The following DNAI4 variants were observed in gnomAD, a reference collection of about 807,000 sequenced individuals.
DNAI4 encodes the protein WD repeat domain 78.
A neutral mutation model predicts 105.8 loss-of-function variants in DNAI4; 85 were observed. That is an observed-to-expected ratio of 0.80 (90% CI 0.67 to 0.96). The LOEUF (loss-of-function observed/expected upper bound fraction) is 0.96, where lower values mean the gene tolerates loss of function less well. Among genes scored for constraint, DNAI4 ranks in the 40% least tolerant of loss-of-function variants. The pLI, the probability that DNAI4 is intolerant of heterozygous loss-of-function variation, is 0.00. For missense variants in DNAI4, 1,014 were observed against 1,005.6 expected, an observed-to-expected ratio of 1.01 and a Z score of -0.11; for synonymous variants, 352 against 331.5, an observed-to-expected ratio of 1.06 and a Z score of -0.67.
intron 4 of DNAI4, among the ~76,000 whole-genome samples, chr1:66,884,213 T>G (rs996086810): frequency 6.6e-6 from 1 of 152,262 alleles, no homozygotes; most frequent in Admixed American, 6.5e-5. Context: ...TACCACATTT[T>G]CTTTATCCAT....
intron 6 of DNAI4, among the ~76,000 whole-genome samples, chr1:66,870,652 A>AG (rs1646824150): frequency 8.1e-6 from 1 of 122,926 alleles, no homozygotes; most frequent in Non-Finnish European, 1.6e-5. Flanking sequence ...TGGGAGGCTG[A>AG]GGGGGAGAAT....
At chr1:66,886,494 T>C (rs1647204444) in intron 4 of DNAI4, among the ~76,000 whole-genome samples, 1 of 152,186 alleles carries the variant, frequency 6.6e-6, no homozygotes, top group Non-Finnish European at 1.5e-5. Flanking sequence ...GCAGTTTGGT[T>C]GTGTTTAATG....
At chr1:66,888,442 C>A (rs925230231) in intron 4 of DNAI4, among the ~76,000 whole-genome samples, 14 of 152,158 alleles carry the variant, frequency 9.2e-5, no homozygotes, top group African/African-American at 3.4e-4. Flanking sequence ...CGCCTGTAAT[C>A]CCAGCACTTT....
intron 4 of DNAI4, among the ~76,000 whole-genome samples, chr1:66,880,602 G>C (rs1647049355): frequency 6.6e-6 from 1 of 152,156 alleles, no homozygotes. Context: ...AAATTTCTAA[G>C]CAACGAAGCA....
Position 66,890,866 on chromosome 1 carries a change from G to GGAAGAAGAA in DNAI4, c.643+279_643+287dup, listed in dbSNP as rs56842115. 2.9e-3 allele frequency: 1,220 copies of GGAAGAAGAA among 420,098 alleles called. 9 individuals carry two copies. Among genetic ancestry groups the GGAAGAAGAA allele is most frequent in the African/African-American group, 0.021 (993 of 46,904 alleles). 26.0% of individuals were successfully genotyped at this position (420,098 alleles called of 1,614,324 possible). ...AGGAAGAGGAAGAAGAAGAGGAAGA[G>GGAAGAAGAA]GAAGAAGAAGAAGAAGAAGCAGAAG... On this transcript the variant is annotated intron_variant, in intron 4 of 16. Coordinates refer to ENST00000371026, the MANE Select transcript of DNAI4 (RefSeq NM_024763.5). The surrounding 1 kb of genome is among the most constrained non-coding windows in gnomAD (Gnocchi z 4.1).
intron 7 of DNAI4, among the ~76,000 whole-genome samples, chr1:66,850,296 T>C (rs1484096408): frequency 1.3e-5 from 2 of 152,004 alleles, no homozygotes; most frequent in Non-Finnish European, 2.9e-5. Flanking sequence ...GTGGAAAGAA[T>C]GGTCAATGCA....
chr1:66,852,101 A>T (rs1352912333), intron 7 of DNAI4, among the ~76,000 whole-genome samples: 1 of 152,038 alleles, frequency 6.6e-6, no homozygotes, highest in Non-Finnish European at 1.5e-5. Flanking sequence ...CGTCAAAGTG[A>T]TAATAACAAA....
At position 66,835,646 on chromosome 1, in the gene DNAI4, A is replaced by G. The variant is rs1238251272; in HGVS notation, c.1713T>C (p.Asn571=). ...IAIYNVRSNS[N]VPVLDSSESP... The stretch of plus-strand genomic sequence containing the variant: ...CTTACCTACTATCCAGAACTGGAAC[A>G]TTACTGTTGCTCCGTACATTGTAAA... Residue 571 remains asparagine (N), a synonymous_variant, in exon 11 of 17, where the codon AAT becomes AAC. Transcript: ENST00000371026. The G allele has an allele frequency of 6.2e-7, 1 of 1,614,128 alleles. No homozygotes were observed. Among genetic ancestry groups the G allele is most frequent in the East Asian group, 2.2e-5 (1 of 44,866 alleles).
At chr1:66,874,215 T>C (rs1470768350) in intron 5 of DNAI4, among the ~76,000 whole-genome samples, 1 of 152,008 alleles carries the variant, frequency 6.6e-6, no homozygotes, top group East Asian at 1.9e-4. Context: ...TAACAATCCT[T>C]AAATGTGTAT....
chr1:66,905,375 C>T lies in DNAI4; in HGVS notation c.171G>A (p.Leu57=), dbSNP rs774238697. ...AGSHKQQNFG[L]NNATQPKKSI... is the part of the protein sequence containing the mutation. ...ACTTCTTTGGTTGTGTGGCATTGTT[C>T]CTATATAAGAAAAATAAAATATAAT... Residue 57 remains leucine, a splice_region_variant and synonymous_variant, in exon 2 of 17, where the codon TTG becomes TTA. Coordinates refer to ENST00000371026, the MANE Select transcript of DNAI4 (RefSeq NM_024763.5). 4 of 1,423,348 alleles carry T rather than the reference C, an allele frequency of 2.8e-6. No individual in the cohort carries two copies. The South Asian group carries it at 5.2e-5, about 19-fold the overall frequency. The allele number at this position is 1,423,348 out of a possible 1,614,324, so 88.2% of individuals were successfully genotyped here. A position where few individuals can be genotyped will look rare whatever the true frequency, so the allele number is the denominator to read the frequency against.
intron 6 of DNAI4, among the ~76,000 whole-genome samples, chr1:66,866,172 C>T (rs903198057): frequency 4.6e-5 from 7 of 151,706 alleles, no homozygotes; most frequent in East Asian, 1.9e-4. Flanking sequence ...CCAGGTGTGA[C>T]GGCAGGCACT....
Position 66,826,875 on chromosome 1 carries a change from T to C in DNAI4, c.2284A>G (p.Ile762Val), listed in dbSNP as rs927080265. 2.5e-6 allele frequency: 4 copies of C among 1,613,994 alleles called. No individual in the cohort carries two copies. In the African/African-American group the frequency reaches 5.3e-5, roughly 22 times the overall value. ...DVAWSPKSSY[I>V]FAAANENRVE... is the part of the protein sequence containing the mutation. ...CTGTTCTCATTTGCAGCTGCAAATA[T>C]ATAGGATGATTTTGGAGACCAGGCA... The change falls in exon 15 of 17, where the codon ATA becomes GTA. Residue 762 changes from isoleucine to valine, a missense_variant. Ile to Val is a conservative substitution (Grantham distance 29, BLOSUM62 3). Transcript: ENST00000371026.
At chr1:66,883,631 C>T (rs886089320) in intron 4 of DNAI4, among the ~76,000 whole-genome samples, 2 of 151,924 alleles carry the variant, frequency 1.3e-5, no homozygotes, top group Admixed American at 1.3e-4. Context: ...TTTCATTTTG[C>T]CTGTGACATA....
intron 1 of DNAI4, among the ~76,000 whole-genome samples, chr1:66,921,006 CA>C (rs1269008035): frequency 6.6e-6 from 1 of 152,080 alleles, no homozygotes; most frequent in Non-Finnish European, 1.5e-5. Context: ...TCAAAAGGTA[CA>C]AAAACAGTGT....
intron 13 of DNAI4, among the ~76,000 whole-genome samples, chr1:66,831,489 C>T (rs1645865823): frequency 6.6e-6 from 1 of 152,152 alleles, no homozygotes; most frequent in South Asian, 2.1e-4. Flanking sequence ...AATCAATCTA[C>T]TTCACCAGAT....
intron 16 of DNAI4, among the ~76,000 whole-genome samples, chr1:66,817,782 T>C (rs552723124): frequency 2.0e-5 from 3 of 152,268 alleles, no homozygotes; most frequent in Non-Finnish European, 2.9e-5. Flanking sequence ...ACTTAGGTAA[T>C]GTGTAACTAC....
At chr1:66,879,204 C>G (rs1326688116) in intron 4 of DNAI4, among the ~76,000 whole-genome samples, 2 of 152,128 alleles carry the variant, frequency 1.3e-5, no homozygotes, top group African/African-American at 4.8e-5. Flanking sequence ...TCTTCAAGGC[C>G]CTGCTACCGA....
rs1292681244 is a variant in DNAI4, at chr1:66,891,137, A to C, written c.643+17T>G. 6.5e-7 allele frequency: 1 copy of C among 1,531,172 alleles called. No individual in the cohort carries two copies. The highest frequency in any genetic ancestry group is 9.1e-7 in the Non-Finnish European group (1 of 1,104,596). 94.8% of individuals were successfully genotyped at this position (1,531,172 alleles called of 1,614,324 possible). ...ATAACGGACTGTTACTGAAATAAAC[A>C]AGTATATTTTCATTACCTGTGAAAC... On this transcript the variant is annotated intron_variant, in intron 4 of 16. Coordinates refer to ENST00000371026, the MANE Select transcript of DNAI4 (RefSeq NM_024763.5).
chr1:66,819,561 G>A (rs533166788), intron 16 of DNAI4, among the ~76,000 whole-genome samples: 23 of 152,052 alleles, frequency 1.5e-4, no homozygotes, highest in Admixed American at 7.9e-4. Context: ...CTAGTACTGC[G>A]CTAGACACTT....
Sources: gnomAD v4.1 joint callset for allele counts (sites outside exome capture counted in the v4.1 genomes callset) on GRCh38, gnomAD v4.1.1 for gene constraint, Gnocchi (gnomAD v3.1) non-coding constraint, MANE v1.5 for transcripts, NCBI Gene and HGNC (gene_info 2026-07-23, HGNC 2026-07-21) for gene names.